SLTM: variants seen among roughly 807,000 people sequenced by gnomAD.
The protein encoded by SLTM is SAFB like transcription modulator.
In SLTM, 43 loss-of-function variants were observed where a neutral mutation model predicts 134.6. The ratio of observed to expected loss-of-function variants is 0.32; its 90% CI spans 0.25 to 0.41. The LOEUF is 0.41. SLTM is among the 10% of genes least tolerant of loss of function. The probability of loss-of-function intolerance (pLI) is 1.00; values close to 1 mark genes in which losing one functional copy is unlikely to be tolerated. For missense variants in SLTM, 1,055 were observed against 1,288.8 expected (o/e 0.82, Z 2.78); for synonymous variants, 424 against 432.3 (o/e 0.98, Z 0.24).
chr15:58,891,941 C>G (rs1487383094), intron 14 of SLTM, among the ~76,000 whole-genome samples: 2 of 152,104 alleles, frequency 1.3e-5, no homozygotes, highest in African/African-American at 4.8e-5. Context: ...ACTCTCCTCT[C>G]AATCTGTTGT....
intron 2 of SLTM, among the ~76,000 whole-genome samples, chr15:58,929,804 T>A (rs7181271): frequency 0.028 from 4,200 of 152,104 alleles, 193 homozygotes; most frequent in African/African-American, 0.097. Flanking sequence ...TAGAACTGAG[T>A]TGGTATGACG....
chr15:58,903,223 C>CG (rs2035618131), intron 5 of SLTM, among the ~76,000 whole-genome samples: 1 of 151,996 alleles, frequency 6.6e-6, no homozygotes, highest in African/African-American at 2.4e-5. Context: ...TTAGTAGAGA[C>CG]GGGGTTTCAC....
chr15:58,908,002 C>CGTGT (rs140029214), intron 5 of SLTM, among the ~76,000 whole-genome samples: 51,202 of 139,650 alleles, frequency 0.37, 10,266 homozygotes, highest in Non-Finnish European at 0.46. Context: ...AAACATGCTG[C>CGTGT]GTGTGTGTGT....
chr15:58,906,155 C>T (rs754049370), intron 5 of SLTM, among the ~76,000 whole-genome samples: 6 of 152,196 alleles, frequency 3.9e-5, no homozygotes, highest in Non-Finnish European at 8.8e-5. Context: ...GAAACTTTCC[C>T]TGTCTAAATG....
At chr15:58,898,731 C>G (rs10518991) in intron 8 of SLTM, 72 bp downstream of exon 8, 29 of 1,153,678 alleles carry the variant, frequency 2.5e-5, no homozygotes, top group Non-Finnish European at 3.7e-5. Context: ...AAGAAAACAC[C>G]GCGCAACTAC....
rs745422744 is a variant in SLTM at position 58,894,480 on chromosome 15, G to A, written c.1330C>T (p.His444Tyr). Residue 444 changes from histidine to tyrosine, a missense_variant, in exon 10 of 21, where the codon CAT (histidine) becomes TAT (tyrosine). Physicochemically the swap from His to Tyr is moderately conservative, Grantham distance 83. Around this residue, in one of 3 missense-constraint regions of SLTM, gnomAD observed 776 missense variants for 962.2 expected, o/e 0.81. Transcript: ENST00000380516. ...CCATGCAGCTCAGTGCGATGAAGAT[G>A]TGCAATACACCTGGACACCTCTGTG... ...SSTEVSRCIAHLHRTELHGQL... is the reference protein window; with the variant it reads ...SSTEVSRCIAYLHRTELHGQL... 8 of 1,614,010 alleles carry A rather than the reference G, an allele frequency of 5.0e-6. No homozygotes were observed. The African/African-American group carries it at 6.7e-5, about 13-fold the overall frequency.
chr15:58,933,395 G>A lies in SLTM; in HGVS notation c.162+9C>T. The stretch of plus-strand genomic sequence containing the variant: ...TTCCCGGTCCTTTCCGGTCCTCGCC[G>A]GGCCTCACCTGCTTGAGTCGGGAGA... On this transcript the variant is annotated intron_variant, in intron 1 of 20. Coordinates refer to ENST00000380516, the MANE Select transcript of SLTM (RefSeq NM_024755.4). 2.5e-6 allele frequency: 4 copies of A among 1,570,796 alleles called. No homozygotes were observed. Among genetic ancestry groups the A allele is most frequent in the Non-Finnish European group, 3.5e-6 (4 of 1,157,992 alleles).
At chr15:58,905,561 AAAAT>A (rs2141069068) in intron 5 of SLTM, among the ~76,000 whole-genome samples, 1 of 152,164 alleles carries the variant, frequency 6.6e-6, no homozygotes, top group East Asian at 1.9e-4. Flanking sequence ...ATATTTTAAA[AAAAT>A]AAATAATTTT....
chr15:58,894,322 A>G, intron 10 of SLTM, 111 bp downstream of exon 10: 1 of 1,474,534 alleles, frequency 6.8e-7, no homozygotes, highest in Non-Finnish European at 9.3e-7. Flanking sequence ...CTACAAATAC[A>G]TAAAAATTAA....
At chr15:58,914,849 A>G (rs1359317822) in intron 3 of SLTM, among the ~76,000 whole-genome samples, 1 of 152,220 alleles carries the variant, frequency 6.6e-6, no homozygotes, top group Non-Finnish European at 1.5e-5. Flanking sequence ...AATACATCAC[A>G]TATGTTGATA....
Position 58,899,163 on chromosome 15 carries a change from A to G in SLTM, c.1058+306T>C. 1 of 431,726 alleles carries G rather than the reference A, an allele frequency of 2.3e-6. No homozygotes were observed. Among genetic ancestry groups the G allele is most frequent in the Non-Finnish European group, 4.1e-6 (1 of 245,288 alleles). The allele number at this position is 431,726 out of a possible 1,614,324, so 26.7% of individuals were successfully genotyped here. A position where few individuals can be genotyped will look rare whatever the true frequency, so the allele number is the denominator to read the frequency against. On this transcript the variant is annotated intron_variant, in intron 7 of 20. Transcript: ENST00000380516. This position sits in a 1 kb window ranked among gnomAD's most constrained non-coding sequence, Gnocchi z 5.0. ...AACTGATAGTTGTTCATTAACCATCATCACAAGGATTTTAAAAAATAAAAC... is the reference window on the plus strand; with the variant it reads ...AACTGATAGTTGTTCATTAACCATCGTCACAAGGATTTTAAAAAATAAAAC...
At chr15:58,886,621 A>G (rs1004814439) in intron 19 of SLTM, among the ~76,000 whole-genome samples, 6 of 152,188 alleles carry the variant, frequency 3.9e-5, no homozygotes, top group African/African-American at 1.4e-4. Flanking sequence ...GGGGCCAAAG[A>G]TTTCAGATGC....
In SLTM at chr15:58,899,860, G is replaced by A; in HGVS notation, c.667C>T (p.His223Tyr). ...PSEGSLAEAD[H>Y]TAHEEMEAHT... is the part of the protein sequence containing the mutation. ...GCTTCCATCTCTTCATGAGCTGTGT[G>A]ATCAGCCTCAGCTAGGCTCCCTTCT... Residue 223 changes from histidine to tyrosine, a missense_variant, in exon 7 of 21, where the codon CAC becomes TAC. Physicochemically the swap from His to Tyr is moderately conservative, Grantham distance 83. Coordinates refer to ENST00000380516, the MANE Select transcript of SLTM (RefSeq NM_024755.4). This position sits in a 1 kb window ranked among gnomAD's most constrained non-coding sequence, Gnocchi z 5.0. 10 of 1,614,064 alleles carry A rather than the reference G, an allele frequency of 6.2e-6. No individual in the cohort carries two copies. Among genetic ancestry groups the A allele is most frequent in the African/African-American group, 1.3e-5 (1 of 75,022 alleles).
intron 13 of SLTM, 45 bp downstream of exon 13, chr15:58,893,234 G>T: frequency 2.0e-6 from 3 of 1,500,756 alleles, no homozygotes; most frequent in Non-Finnish European, 1.8e-6. Context: ...ATCTTCTTTT[G>T]TAAACAGCTG....
chr15:58,900,004 T>C, intron 6 of SLTM, 67 bp from the exon 7 acceptor site: 1 of 1,257,354 alleles, frequency 8.0e-7, no homozygotes, highest in Non-Finnish European at 1.1e-6. Context: ...ATTCATAAGC[T>C]AGAATAGGAC....
intron 2 of SLTM, among the ~76,000 whole-genome samples, chr15:58,917,724 G>T (rs903959692): frequency 6.6e-6 from 1 of 151,954 alleles, no homozygotes; most frequent in Non-Finnish European, 1.5e-5. Context: ...TTTGCAACCT[G>T]GTAGTTAGAA....
intron 5 of SLTM, among the ~76,000 whole-genome samples, chr15:58,901,600 TAAG>T (rs1428986211): frequency 2.0e-5 from 3 of 152,194 alleles, no homozygotes; most frequent in African/African-American, 7.2e-5. Flanking sequence ...GAGCTGTCAA[TAAG>T]AAGGCTGACC....
intron 5 of SLTM, among the ~76,000 whole-genome samples, chr15:58,905,126 G>C (rs140822185): frequency 2.0e-4 from 31 of 152,316 alleles, no homozygotes; most frequent in African/African-American, 7.0e-4. Flanking sequence ...TTACAGGCAG[G>C]AGCCATTGCA....
At position 58,884,421 on chromosome 15, in the gene SLTM, C is replaced by T. The variant is rs527390621; in HGVS notation, c.2836-635G>A. On this transcript the variant is annotated intron_variant, in intron 19 of 20. Transcript: ENST00000380516. ...GCAACCTCCGCCCCCCGGATTCAAG[C>T]GATTCTCCTGCCTCGGCCTCCCAAG... 6.6e-5 allele frequency among the ~76,000 whole-genome samples: 10 copies of T among 152,126 alleles called. 1 individual carries two copies. The South Asian group carries it at 1.2e-3, about 19-fold the overall frequency.
Sources: allele counts gnomAD v4.1 joint callset (sites outside exome capture counted in the v4.1 genomes callset), GRCh38; gene constraint gnomAD v4.1.1; regional missense constraint gnomAD v4.1.1; non-coding constraint Gnocchi (gnomAD v3.1); transcripts MANE v1.5; gene names NCBI Gene and HGNC (gene_info 2026-07-23, HGNC 2026-07-21).